Variants in PTPRD observed in about 807,000 individuals in gnomAD.
PTPRD encodes protein tyrosine phosphatase receptor type D.
PTPRD carries 34 observed loss-of-function variants against 214.5 expected under a neutral mutation model. The ratio of observed to expected loss-of-function variants is 0.16; its 90% CI spans 0.12 to 0.21. The LOEUF (loss-of-function observed/expected upper bound fraction) is 0.21, where lower values mean the gene tolerates loss of function less well. Ranked by LOEUF, PTPRD falls within the 10% of genes least tolerant of loss-of-function variation. The probability of loss-of-function intolerance (pLI) is 1.00; values close to 1 mark genes in which losing one functional copy is unlikely to be tolerated. For missense variants in PTPRD, 2,545 were observed against 2,398.7 expected (o/e 1.06, Z -1.27); for synonymous variants, 1,128 against 845.7 (o/e 1.33, Z -5.79).
intron 10 of PTPRD, among the ~76,000 whole-genome samples, chr9:9,063,443 G>A (rs1006084219): frequency 1.3e-5 from 2 of 152,144 alleles, no homozygotes; most frequent in Non-Finnish European, 2.9e-5. Flanking sequence ...TAGGATAAGA[G>A]AAAAGGCTTC....
chr9:9,241,118 T>C (rs916349114), intron 9 of PTPRD, among the ~76,000 whole-genome samples: 4 of 152,128 alleles, frequency 2.6e-5, no homozygotes, highest in Non-Finnish European at 4.4e-5. Context: ...AATTCGTGGG[T>C]CTAAATGAAC....
At chr9:9,302,245 C>T (rs1198806515) in intron 9 of PTPRD, among the ~76,000 whole-genome samples, 5 of 151,710 alleles carry the variant, frequency 3.3e-5, no homozygotes, top group Non-Finnish European at 7.4e-5. Context: ...TTCCTTCTGG[C>T]CCTATCTGAC....
chr9:9,227,730 C>T lies in PTPRD; in HGVS notation c.-202-44367G>A, dbSNP rs568420912. 3.9e-5 allele frequency among the ~76,000 whole-genome samples: 6 copies of T among 152,220 alleles called. No homozygotes were observed. The East Asian group carries it at 9.7e-4, about 25-fold the overall frequency. ...CAGCCCACATGGTAGGAAACTCAGG[C>T]CTCCAGCCCACAGGCAGTGAAGAAC... is the stretch of plus-strand genomic sequence containing the variant. On this transcript the variant is annotated intron_variant, in intron 9 of 45. Coordinates refer to ENST00000381196, the MANE Select transcript of PTPRD (RefSeq NM_002839.4).
chr9:10,303,762 C>T (rs2095951556), intron 3 of PTPRD, among the ~76,000 whole-genome samples: 1 of 152,062 alleles, frequency 6.6e-6, no homozygotes, highest in Admixed American at 6.6e-5. Context: ...GAAATTGAGG[C>T]AGTTATTAAT....
intron 2 of PTPRD, among the ~76,000 whole-genome samples, chr9:10,500,736 C>G (rs1234845199): frequency 2.0e-5 from 3 of 151,808 alleles, no homozygotes; most frequent in African/African-American, 7.3e-5. Flanking sequence ...CAATCCTACT[C>G]TCTATCTCCA....
chr9:9,924,252 A>G (rs2083499309), intron 5 of PTPRD, among the ~76,000 whole-genome samples: 1 of 152,026 alleles, frequency 6.6e-6, no homozygotes, highest in Non-Finnish European at 1.5e-5. Flanking sequence ...AAGTTGATAA[A>G]TCAAGATAAT....
rs913811023 is a variant in PTPRD, at chr9:9,866,263, G to T, written c.-368+72244C>A. On this transcript the variant is annotated intron_variant, in intron 5 of 45. Transcript: ENST00000381196. ...CATAGCCTTAATCAGTTGTAGTTTT[G>T]TTAACATTATTTTCATGAAAGTGAA... 1.3e-5 allele frequency among the ~76,000 whole-genome samples: 2 copies of T among 151,656 alleles called. 1 individual carries two copies. Among genetic ancestry groups the T allele is most frequent in the Non-Finnish European group, 2.9e-5 (2 of 67,984 alleles).
Position 8,465,541 on chromosome 9 carries a change from T to A in PTPRD, c.3639A>T (p.Gly1213=), listed in dbSNP as rs1398573785. 1 of 1,612,486 alleles carries A rather than the reference T, an allele frequency of 6.2e-7. No homozygotes were observed. The highest frequency in any genetic ancestry group is 8.5e-7 in the Non-Finnish European group (1 of 1,179,044). Residue 1213 remains glycine (G), a synonymous_variant, in exon 32 of 46, where the codon GGA becomes GGT. Coordinates refer to ENST00000381196, the MANE Select transcript of PTPRD (RefSeq NM_002839.4). ...CACTTTGGAGTTGCTTGTTTGTAAA[T>A]CCACCATAATGCTTGTCATCCCCCA... ...FTLGDDKHYG[G]FTNKQLQSGQ... is the part of the protein sequence containing the mutation.
intron 7 of PTPRD, among the ~76,000 whole-genome samples, chr9:9,663,591 C>A (rs918784443): frequency 1.3e-5 from 2 of 151,560 alleles, no homozygotes; most frequent in African/African-American, 4.8e-5. Context: ...ATGTCACCAT[C>A]TAACTTGTTG....
intron 10 of PTPRD, among the ~76,000 whole-genome samples, chr9:9,122,663 G>A (rs1225128207): frequency 2.0e-5 from 3 of 152,168 alleles, no homozygotes. Flanking sequence ...AACATATGGT[G>A]ATTTGGCTCA....
intron 3 of PTPRD, among the ~76,000 whole-genome samples, chr9:10,150,822 G>C (rs2099055856): frequency 6.6e-6 from 1 of 151,956 alleles, no homozygotes. Flanking sequence ...TGGGTAGTAA[G>C]ATAACTTGTT....
chr9:8,735,910 C>CA (rs34573821), intron 11 of PTPRD, among the ~76,000 whole-genome samples: 68,447 of 130,326 alleles, frequency 0.53, 17,977 homozygotes, highest in Non-Finnish European at 0.56. Context: ...GACTTCGTCT[C>CA]AAAAAAAAAA....
At chr9:8,652,940 T>G (rs1329560960) in intron 12 of PTPRD, among the ~76,000 whole-genome samples, 1 of 152,192 alleles carries the variant, frequency 6.6e-6, no homozygotes, top group Non-Finnish European at 1.5e-5. Context: ...ATAAAGCCTC[T>G]GGGATCTCAA....
intron 4 of PTPRD, among the ~76,000 whole-genome samples, chr9:10,028,858 A>C (rs2096984928): frequency 6.6e-6 from 1 of 152,222 alleles, no homozygotes; most frequent in Non-Finnish European, 1.5e-5. Context: ...TGAGGATTCA[A>C]ATTCTAATCA....
chr9:8,414,869 AGGAGAGAGGGAGGGAGGGAG>A (rs2093785649), intron 35 of PTPRD, among the ~76,000 whole-genome samples: 1 of 120,624 alleles, frequency 8.3e-6, no homozygotes, highest in Non-Finnish European at 1.7e-5. Context: ...GCAGGGGAGC[AGGAGAGAGGGAGGGAGGGAG>A]GGAGAGAGGG....
intron 2 of PTPRD, among the ~76,000 whole-genome samples, chr9:10,377,904 A>G (rs2097760226): frequency 6.6e-6 from 1 of 151,916 alleles, no homozygotes; most frequent in African/African-American, 2.4e-5. Flanking sequence ...CACTGATTTC[A>G]TTTCTTTTGG....
At chr9:10,199,909 A>G (rs958124139) in intron 3 of PTPRD, among the ~76,000 whole-genome samples, 3 of 142,446 alleles carry the variant, frequency 2.1e-5, no homozygotes, top group African/African-American at 7.8e-5. Flanking sequence ...GCGCGCACAC[A>G]CGCACACACA....
intron 5 of PTPRD, among the ~76,000 whole-genome samples, chr9:9,935,091 C>G (rs527379176): frequency 3.3e-5 from 5 of 151,974 alleles, no homozygotes; most frequent in Admixed American, 2.6e-4. Context: ...AATAAGAGCT[C>G]TCTATGACAA....
intron 9 of PTPRD, among the ~76,000 whole-genome samples, chr9:9,333,797 T>C (rs968465491): frequency 1.3e-5 from 2 of 151,840 alleles, no homozygotes; most frequent in Non-Finnish European, 2.9e-5. Context: ...AATTTGTAGA[T>C]GTGGTTGGAA....
Sources: gnomAD v4.1 joint callset for allele counts (sites outside exome capture counted in the v4.1 genomes callset) on GRCh38, gnomAD v4.1.1 for gene constraint, MANE v1.5 for transcripts, NCBI Gene and HGNC (gene_info 2026-07-23, HGNC 2026-07-21) for gene names.